Variants in RHOC observed in about 807,000 individuals in gnomAD.
RHOC encodes the protein rho-related GTP-binding protein RhoC.
In RHOC, 13 loss-of-function variants were observed where a neutral mutation model predicts 19.5. The observed-to-expected ratio is 0.67, with a 90% CI of 0.43 to 1.06. The LOEUF is 1.06. Ranked by LOEUF, RHOC falls within the 50% of genes least tolerant of loss-of-function variation. The probability of loss-of-function intolerance (pLI) is 0.00; values close to 1 mark genes in which losing one functional copy is unlikely to be tolerated. For missense variants in RHOC, 173 were observed against 256.9 expected (o/e 0.67, Z 2.23); for synonymous variants, 106 against 97.3 (o/e 1.09, Z -0.52).
In RHOC at chr1:112,707,068, C is replaced by T. The variant is rs1442433219; in HGVS notation, c.-77+10G>A. The T allele has an allele frequency of 6.6e-6, 1 of 152,102 alleles. No individual in the cohort carries two copies. The highest frequency in any genetic ancestry group is 1.9e-4 in the East Asian group (1 of 5,156). The allele number at this position is 152,102 out of a possible 1,614,324, so 9.4% of individuals were successfully genotyped here. ...GACGCCCCACCGCCCGCAGCCCCGG[C>T]CCAGGGTACCTTCCGCTCCGCCGCC... On this transcript the variant is annotated intron_variant, in intron 1 of 5. Transcript: ENST00000339083.
chr1:112,702,293 G>A (rs1365186904), intron 5 of RHOC, among the ~76,000 whole-genome samples: 3 of 152,098 alleles, frequency 2.0e-5, no homozygotes, highest in East Asian at 1.9e-4. Context: ...CTGTCTCCCC[G>A]AGGGCAGATT....
At chr1:112,706,863 C>G (rs1389045133) in intron 1 of RHOC, 1 of 152,074 alleles carries the variant, frequency 6.6e-6, no homozygotes, top group East Asian at 2.0e-4. Context: ...GCCGGCAGGT[C>G]CGGGCCCCCT....
In RHOC at chr1:112,701,707, C is replaced by T. The variant is rs368489891; in HGVS notation, c.415G>A (p.Val139Ile). The T allele has an allele frequency of 8.7e-6, 14 of 1,613,744 alleles. No homozygotes were observed. The highest frequency in any genetic ancestry group is 1.7e-5 in the Admixed American group (1 of 59,988). The change falls in exon 6 of 6, where the codon GTT becomes ATT. Residue 139 changes from valine to isoleucine, a missense_variant. Coordinates refer to ENST00000339083, the MANE Select transcript of RHOC (RefSeq NM_175744.5). Reference protein sequence around the residue: ...RELAKMKQEPVRSEEGRDMAN... With the variant: ...RELAKMKQEPIRSEEGRDMAN... ...ATGTCCCGGCCTTCCTCAGACCGAA[C>T]GGGCTCCTGAGAAGACATAAGATGA...
Position 112,701,671 on chromosome 1 carries a change from TC to T in RHOC, c.450del (p.Ile151SerfsTer70). 1 of 1,614,010 alleles carries T rather than the reference TC, an allele frequency of 6.2e-7. No individual in the cohort carries two copies. The highest frequency in any genetic ancestry group is 8.5e-7 in the Non-Finnish European group (1 of 1,180,002). On this transcript the variant is annotated frameshift_variant, in exon 6 of 6. Transcript: ENST00000339083. LOFTEE classifies it high-confidence loss of function. Reference sequence around the variant, plus strand: ...CACTCAAGGTAGCCAAAGGCACTGATCCGGTTCGCCATGTCCCGGCCTTCCT... The same window carrying T: ...CACTCAAGGTAGCCAAAGGCACTGATCGGTTCGCCATGTCCCGGCCTTCCT... The part of the protein sequence containing the change: ...RSEEGRDMAN[R>X]ISAFGYLECS...
rs1027992485 is a variant in RHOC at position 112,701,218 on chromosome 1, A to G, written c.*322T>C. ...CCGAAAACAACTCCAGGGGCCTGGGACTCTGGGTCCCCTACTGCAGACACT... is the reference window on the plus strand; with the variant it reads ...CCGAAAACAACTCCAGGGGCCTGGGGCTCTGGGTCCCCTACTGCAGACACT... On this transcript the variant is annotated 3_prime_UTR_variant, in exon 6 of 6. Coordinates refer to ENST00000339083, the MANE Select transcript of RHOC (RefSeq NM_175744.5). 7 of 624,778 alleles carry G rather than the reference A, an allele frequency of 1.1e-5. No individual in the cohort carries two copies. Among genetic ancestry groups the G allele is most frequent in the African/African-American group, 1.8e-5 (1 of 54,440 alleles). 38.7% of individuals were successfully genotyped at this position (624,778 alleles called of 1,614,324 possible). A position where few individuals can be genotyped will look rare whatever the true frequency, so the allele number is the denominator to read the frequency against.
At chr1:112,706,428 T>TACACA (rs1570835278) in intron 1 of RHOC, among the ~76,000 whole-genome samples, 1 of 41,484 alleles carries the variant, frequency 2.4e-5, no homozygotes. Flanking sequence ...TCTCTCTCTC[T>TACACA]CTACACACAC....
intron 2 of RHOC, 28 bp from the exon 3 acceptor site, chr1:112,703,834 G>A: frequency 6.3e-7 from 1 of 1,592,818 alleles, no homozygotes; most frequent in Non-Finnish European, 8.5e-7. Context: ...TTGGGGATTT[G>A]AGGAAAAGCC....
chr1:112,701,463 A>G lies in RHOC; in HGVS notation c.*77T>C, dbSNP rs1195856901. 2 of 1,613,556 alleles carry G rather than the reference A, an allele frequency of 1.2e-6. No homozygotes were observed. Among genetic ancestry groups the G allele is most frequent in the East Asian group, 2.2e-5 (1 of 44,874 alleles). ...TGGGAGCCTTCAGCATGGAGCCCTC[A>G]GGAGGCTGGGGTTGTAGGGGGATAA... On this transcript the variant is annotated 3_prime_UTR_variant, in exon 6 of 6. Coordinates refer to ENST00000339083, the MANE Select transcript of RHOC (RefSeq NM_175744.5).
At chr1:112,701,805 C>T (rs1439398075) in intron 5 of RHOC, 92 bp from the exon 6 acceptor site, 1 of 1,405,490 alleles carries the variant, frequency 7.1e-7, no homozygotes, top group Non-Finnish European at 9.9e-7. Flanking sequence ...GGAACAAATG[C>T]CTCCTTCTCC....
chr1:112,702,953 G>A (rs1674708538), intron 4 of RHOC, 46 bp downstream of exon 4: 1 of 1,603,720 alleles, frequency 6.2e-7, no homozygotes, highest in Non-Finnish European at 8.5e-7. Context: ...CGAGACCTCT[G>A]GCTGATTCCA....
In RHOC at chr1:112,707,086, C is replaced by T. The variant is rs1674922790; in HGVS notation, c.-85G>A. On this transcript the variant is annotated 5_prime_UTR_variant, in exon 1 of 6. Coordinates refer to ENST00000339083, the MANE Select transcript of RHOC (RefSeq NM_175744.5). ...GCCCCGGCCCAGGGTACCTTCCGCT[C>T]CGCCGCCTCCAGCTGCGCGGCCGGT... The T allele has an allele frequency of 6.6e-6, 1 of 152,000 alleles. No individual in the cohort carries two copies. The highest frequency in any genetic ancestry group is 1.5e-5 in the Non-Finnish European group (1 of 68,016). The allele number at this position is 152,000 out of a possible 1,614,324, so 9.4% of individuals were successfully genotyped here. A position where few individuals can be genotyped will look rare whatever the true frequency, so the allele number is the denominator to read the frequency against.
chr1:112,704,107 A>C (rs906003482), intron 2 of RHOC, among the ~76,000 whole-genome samples: 4 of 152,232 alleles, frequency 2.6e-5, no homozygotes, highest in Non-Finnish European at 5.9e-5. Flanking sequence ...TGGGGACTCC[A>C]GGTAGCTAGA....
chr1:112,701,272 C>G lies in RHOC; in HGVS notation c.*268G>C. ...CTGTGAGCCAGAAGTGTATAAAGTG[C>G]TGGTGTGTGACCATCCTTTGGGGAA... On this transcript the variant is annotated 3_prime_UTR_variant, in exon 6 of 6. Coordinates refer to ENST00000339083, the MANE Select transcript of RHOC (RefSeq NM_175744.5). 1 of 835,656 alleles carries G rather than the reference C, an allele frequency of 1.2e-6. No homozygotes were observed. The highest frequency in any genetic ancestry group is 1.8e-6 in the Non-Finnish European group (1 of 544,802). The allele number at this position is 835,656 out of a possible 1,614,324, so 51.8% of individuals were successfully genotyped here.
Position 112,701,710 on chromosome 1 carries a change from G to T in RHOC, c.412C>A (p.Pro138Thr). 1 of 1,613,810 alleles carries T rather than the reference G, an allele frequency of 6.2e-7. No individual in the cohort carries two copies. Among genetic ancestry groups the T allele is most frequent in the Admixed American group, 1.7e-5 (1 of 60,014 alleles). ...RRELAKMKQE[P>T]VRSEEGRDMA... Reference sequence around the variant, plus strand: ...TCCCGGCCTTCCTCAGACCGAACGGGCTCCTGAGAAGACATAAGATGAGGG... The same window carrying T: ...TCCCGGCCTTCCTCAGACCGAACGGTCTCCTGAGAAGACATAAGATGAGGG... Residue 138 changes from proline (P) to threonine (T), a missense_variant, in exon 6 of 6, where the codon CCC (proline) becomes ACC (threonine). Pro to Thr is a conservative substitution (Grantham distance 38, BLOSUM62 -1). Coordinates refer to ENST00000339083, the MANE Select transcript of RHOC (RefSeq NM_175744.5).
intron 1 of RHOC, 59 bp from the exon 2 acceptor site, chr1:112,705,227 C>T: frequency 1.4e-6 from 1 of 698,292 alleles, no homozygotes; most frequent in Non-Finnish European, 2.6e-6. Flanking sequence ...AAAGAAGAGA[C>T]AAATGAGGGC....
At chr1:112,707,355 G>A (rs1332697308), upstream of RHOC, 1 of 152,608 alleles carries the variant, frequency 6.6e-6, no homozygotes, top group African/African-American at 2.4e-5. Flanking sequence ...AGCCGGGCGA[G>A]CGGGGGGAGC....
chr1:112,702,659 C>T lies in RHOC; in HGVS notation c.312G>A (p.Lys104=), dbSNP rs1322910187. ...NIPEKWTPEV[K]HFCPNVPIIL... The stretch of plus-strand genomic sequence containing the variant: ...TGATGGGCACGTTGGGGCAGAAGTG[C>T]TTCACCTCTGGGGTCCACTTCTCAG... Residue 104 remains lysine, a synonymous_variant, in exon 5 of 6, where the codon AAG becomes AAA. Transcript: ENST00000339083. 3 of 1,613,982 alleles carry T rather than the reference C, an allele frequency of 1.9e-6. No homozygotes were observed. Among genetic ancestry groups the T allele is most frequent in the Non-Finnish European group, 2.5e-6 (3 of 1,180,000 alleles).
intron 3 of RHOC, 96 bp from the exon 4 acceptor site, chr1:112,703,215 CTTT>C (rs1674718363): frequency 9.9e-6 from 14 of 1,417,446 alleles, no homozygotes; most frequent in Non-Finnish European, 1.3e-5. Flanking sequence ...CACTGAACTT[CTTT>C]ATTTGAGCAC....
chr1:112,707,250 C>G (rs1279888014), upstream of RHOC: 1 of 151,156 alleles, frequency 6.6e-6, no homozygotes, highest in Non-Finnish European at 1.5e-5. Flanking sequence ...AGGGCCGCAG[C>G]CACCGGCCCC....
Sources: allele counts gnomAD v4.1 joint callset (sites outside exome capture counted in the v4.1 genomes callset), GRCh38; gene constraint gnomAD v4.1.1; transcripts MANE v1.5; gene names NCBI Gene and HGNC (gene_info 2026-07-23, HGNC 2026-07-21).